The following KLHDC4 variants were observed in gnomAD, a reference collection of about 807,000 sequenced individuals.
KLHDC4 encodes the protein kelch domain-containing protein 4.
In KLHDC4, 90 loss-of-function variants were observed where a neutral mutation model predicts 62.4. The ratio of observed to expected loss-of-function variants is 1.44; its 90% CI spans 1.22 to 1.72. The LOEUF (loss-of-function observed/expected upper bound fraction) is 1.72. Ranked by LOEUF, KLHDC4 falls within the 40% of genes most tolerant of loss-of-function variation. The pLI, the probability that KLHDC4 is intolerant of heterozygous loss-of-function variation, is 0.00. For synonymous variants in KLHDC4, 386 were observed against 284.4 expected, an observed-to-expected ratio of 1.36 and a Z score of -3.59; for missense variants, 1,025 against 699.7, an observed-to-expected ratio of 1.47 and a Z score of -5.25.
chr16:87,719,212 T>A (rs2037742085), intron 7 of KLHDC4, among the ~76,000 whole-genome samples: 2 of 152,152 alleles, frequency 1.3e-5, no homozygotes, highest in African/African-American at 4.8e-5. Flanking sequence ...ATGATGGTGG[T>A]TTTGTCAAAT....
intron 5 of KLHDC4, among the ~76,000 whole-genome samples, chr16:87,737,240 G>T (rs1329391997): frequency 6.6e-6 from 1 of 151,598 alleles, no homozygotes; most frequent in South Asian, 2.1e-4. Flanking sequence ...GACACTAAAT[G>T]ACATCACATG....
At chr16:87,702,067 G>A (rs763106162) in exon 1 of KLHDC4, 9 of 455,412 alleles carry the variant, frequency 2.0e-5, no homozygotes, top group South Asian at 1.4e-4. Context: ...AGGCTGCTGT[G>A]AGAACTTGTG....
intron 7 of KLHDC4, among the ~76,000 whole-genome samples, chr16:87,717,704 T>C (rs8059567): frequency 1.3e-5 from 2 of 149,052 alleles, no homozygotes; most frequent in African/African-American, 5.2e-5. Flanking sequence ...AGCATTATTG[T>C]GAACTGAATT....
intron 7 of KLHDC4, among the ~76,000 whole-genome samples, chr16:87,718,757 C>T (rs79006880): frequency 2.0e-5 from 3 of 151,128 alleles, no homozygotes; most frequent in African/African-American, 7.3e-5. Flanking sequence ...TCTTCCCGGC[C>T]GCCATCCTGT....
chr16:87,720,069 T>C (rs1464655905), intron 7 of KLHDC4, among the ~76,000 whole-genome samples: 1 of 152,142 alleles, frequency 6.6e-6, no homozygotes, highest in African/African-American at 2.4e-5. Context: ...TGCAGCTGCT[T>C]TGGCTCACCC....
At chr16:87,727,226 G>A (rs1223452324) in intron 6 of KLHDC4, among the ~76,000 whole-genome samples, 2 of 152,212 alleles carry the variant, frequency 1.3e-5, no homozygotes, top group Non-Finnish European at 1.5e-5. Flanking sequence ...AGGACCACAA[G>A]CACGTATGAG....
intron 5 of KLHDC4, among the ~76,000 whole-genome samples, chr16:87,734,950 CTCCT>C (rs2041027946): frequency 1.7e-5 from 1 of 60,238 alleles, no homozygotes; most frequent in Admixed American, 1.4e-4. Flanking sequence ...CCCCCTCCCA[CTCCT>C]GACGAATTGC....
chr16:87,741,832 T>C (rs1321853172), intron 5 of KLHDC4, among the ~76,000 whole-genome samples: 2 of 152,134 alleles, frequency 1.3e-5, no homozygotes, highest in African/African-American at 4.8e-5. Context: ...CAACTTCACA[T>C]CCTCGGCTGA....
intron 5 of KLHDC4, among the ~76,000 whole-genome samples, chr16:87,737,308 C>A (rs1041284990): frequency 6.6e-6 from 1 of 151,862 alleles, no homozygotes; most frequent in Non-Finnish European, 1.5e-5. Context: ...TTACCCTAGG[C>A]CAGGGGCGGT....
In KLHDC4 at chr16:87,728,051, G is replaced by A. The variant is rs112526626; in HGVS notation, c.600-1127C>T. Among the ~76,000 whole-genome samples, 725 of 152,256 alleles carry A rather than the reference G, an allele frequency of 4.8e-3. 7 individuals are homozygous for A. Among genetic ancestry groups the A allele is most frequent in the African/African-American group, 0.017 (700 of 41,536 alleles). ...AAACACAAAAAATTAGCCAAGCATGGGGGCGGGTGCCTATAATCCCAGCTA... is the reference window on the plus strand; with the variant it reads ...AAACACAAAAAATTAGCCAAGCATGAGGGCGGGTGCCTATAATCCCAGCTA... On this transcript the variant is annotated intron_variant, in intron 6 of 11. Coordinates refer to ENST00000270583, the MANE Select transcript of KLHDC4 (RefSeq NM_017566.4).
At chr16:87,747,135 G>A (rs1354454644) in intron 5 of KLHDC4, among the ~76,000 whole-genome samples, 2 of 152,236 alleles carry the variant, frequency 1.3e-5, no homozygotes, top group East Asian at 1.9e-4. Flanking sequence ...GAAGGCACGA[G>A]AGAGCCCTCA....
At chr16:87,739,403 C>G (rs1377502906) in intron 5 of KLHDC4, among the ~76,000 whole-genome samples, 2 of 128,284 alleles carry the variant, frequency 1.6e-5, no homozygotes, top group Admixed American at 7.9e-5. Context: ...ACACCAGCAC[C>G]TCATCCACAC....
intron 8 of KLHDC4, among the ~76,000 whole-genome samples, chr16:87,711,994 T>A (rs2035973534): frequency 7.1e-6 from 1 of 139,972 alleles, no homozygotes; most frequent in South Asian, 2.2e-4. Flanking sequence ...TGAATGCCTG[T>A]GCCAGCCGCC....
chr16:87,727,803 G>A (rs935975094), intron 6 of KLHDC4, among the ~76,000 whole-genome samples: 1 of 152,190 alleles, frequency 6.6e-6, no homozygotes, highest in African/African-American at 2.4e-5. Flanking sequence ...CAAGTCTCAA[G>A]TGCCCGGTTT....
At chr16:87,723,042 G>A (rs1567702801) in intron 7 of KLHDC4, among the ~76,000 whole-genome samples, 1 of 152,238 alleles carries the variant, frequency 6.6e-6, no homozygotes, top group African/African-American at 2.4e-5. Context: ...CATGCCAAGA[G>A]GACAGAGCAT....
At chr16:87,754,890 C>T (rs1274119689) in intron 4 of KLHDC4, among the ~76,000 whole-genome samples, 1 of 152,186 alleles carries the variant, frequency 6.6e-6, no homozygotes, top group Admixed American at 6.5e-5. Flanking sequence ...CCATCTAGTC[C>T]AGACCGTGGG....
intron 7 of KLHDC4, 31 bp from the exon 8 acceptor site, chr16:87,714,604 G>C (rs2036565888): frequency 6.2e-7 from 1 of 1,612,782 alleles, no homozygotes; most frequent in South Asian, 1.1e-5. Flanking sequence ...GTGAGAACCG[G>C]GGGCAGCTAC....
chr16:87,752,109 A>C (rs1218333617), intron 4 of KLHDC4, among the ~76,000 whole-genome samples: 2 of 132,272 alleles, frequency 1.5e-5, no homozygotes, highest in African/African-American at 5.6e-5. Context: ...AAAAAAAAAA[A>C]AAAAAGAAGC....
chr16:87,732,398 G>T (rs1022655195), intron 5 of KLHDC4, among the ~76,000 whole-genome samples: 3 of 152,118 alleles, frequency 2.0e-5, no homozygotes, highest in Non-Finnish European at 4.4e-5. Context: ...CTCTGGTCAG[G>T]TGTGTATATT....
Sources: allele counts gnomAD v4.1 joint callset (sites outside exome capture counted in the v4.1 genomes callset), GRCh38; gene constraint gnomAD v4.1.1; transcripts MANE v1.5; gene names NCBI Gene and HGNC (gene_info 2026-07-23, HGNC 2026-07-21).